The following FGGY variants were observed in gnomAD, a reference collection of about 807,000 sequenced individuals.
The protein encoded by FGGY is FGGY carbohydrate kinase domain containing.
Under a neutral mutation model 71.3 loss-of-function variants are expected in FGGY, and 72 were observed. That is an observed-to-expected ratio of 1.01 (90% CI 0.84 to 1.23). The LOEUF (loss-of-function observed/expected upper bound fraction) is 1.23. Ranked by LOEUF, FGGY falls within the 50% of genes most tolerant of loss-of-function variation. The pLI is 0.00. For synonymous variants in FGGY, 251 were observed against 250.3 expected, an observed-to-expected ratio of 1.00 and a Z score of -0.02; for missense variants, 668 against 682.3, an observed-to-expected ratio of 0.98 and a Z score of 0.23.
chr1:59,435,987 C>G (rs538321996), intron 5 of FGGY, among the ~76,000 whole-genome samples: 1 of 152,248 alleles, frequency 6.6e-6, no homozygotes, highest in East Asian at 1.9e-4. Flanking sequence ...TGTGGCTGGC[C>G]TGGTGTCACA....
At chr1:59,515,737 T>C (rs1023110478) in intron 7 of FGGY, among the ~76,000 whole-genome samples, 1 of 152,172 alleles carries the variant, frequency 6.6e-6, no homozygotes, top group Non-Finnish European at 1.5e-5. Context: ...GCTGCCACCA[T>C]GTAAGAAGTG....
intron 10 of FGGY, among the ~76,000 whole-genome samples, chr1:59,627,489 T>TATATATATATATATACAC (rs1469493501): frequency 2.9e-4 from 27 of 92,758 alleles, no homozygotes; most frequent in East Asian, 5.9e-4. Context: ...TATATATATA[T>TATATATATATATATACAC]ACACACACAC....
intron 6 of FGGY, among the ~76,000 whole-genome samples, chr1:59,503,005 C>T (rs960745729): frequency 1.3e-5 from 2 of 152,188 alleles, no homozygotes; most frequent in Non-Finnish European, 2.9e-5. Flanking sequence ...CTACTCATCA[C>T]ATTCTATGCC....
chr1:59,532,664 G>A (rs186569418), intron 7 of FGGY, among the ~76,000 whole-genome samples: 2 of 152,118 alleles, frequency 1.3e-5, no homozygotes, highest in African/African-American at 4.8e-5. Context: ...AACTTATTTT[G>A]ATTAAGGATA....
chr1:59,547,212 A>G (rs867035358), intron 7 of FGGY, among the ~76,000 whole-genome samples: 2 of 151,870 alleles, frequency 1.3e-5, no homozygotes, highest in Non-Finnish European at 2.9e-5. Context: ...CGGCCTCCCA[A>G]AGTGCTGAGA....
intron 5 of FGGY, among the ~76,000 whole-genome samples, chr1:59,421,714 G>C (rs2065466707): frequency 6.6e-6 from 1 of 152,122 alleles, no homozygotes; most frequent in Non-Finnish European, 1.5e-5. Flanking sequence ...CAATACAAAG[G>C]CCTGACACTT....
chr1:59,342,491 T>G (rs2050912713), intron 3 of FGGY, among the ~76,000 whole-genome samples: 1 of 152,172 alleles, frequency 6.6e-6, no homozygotes, highest in South Asian at 2.1e-4. Flanking sequence ...TGAAATAACT[T>G]TATTCCACCT....
At chr1:59,479,091 AT>A (rs2093376249) in intron 6 of FGGY, among the ~76,000 whole-genome samples, 1 of 152,174 alleles carries the variant, frequency 6.6e-6, no homozygotes. Context: ...ACAACATGAG[AT>A]GTGTAGTCAT....
chr1:59,746,195 G>T (rs2098195738), intron 14 of FGGY, among the ~76,000 whole-genome samples: 1 of 152,180 alleles, frequency 6.6e-6, no homozygotes, highest in Non-Finnish European at 1.5e-5. Context: ...AGATGCAGGG[G>T]AGACATGTGT....
chr1:59,698,018 T>A (rs1224991048), intron 14 of FGGY, among the ~76,000 whole-genome samples: 1 of 152,172 alleles, frequency 6.6e-6, no homozygotes, highest in African/African-American at 2.4e-5. Flanking sequence ...AAGCATGTCT[T>A]TTTTTTCCTT....
chr1:59,702,895 C>T (rs978806636), intron 14 of FGGY, among the ~76,000 whole-genome samples: 2 of 152,104 alleles, frequency 1.3e-5, no homozygotes, highest in East Asian at 3.8e-4. Context: ...CTCCAGAGTA[C>T]CTTAAGAAGC....
chr1:59,697,993 A>G (rs891392586), intron 14 of FGGY, among the ~76,000 whole-genome samples: 1 of 152,184 alleles, frequency 6.6e-6, no homozygotes, highest in Non-Finnish European at 1.5e-5. Context: ...AGAGATAATA[A>G]TACTTTTATC....
intron 14 of FGGY, among the ~76,000 whole-genome samples, chr1:59,730,117 C>A (rs557769799): frequency 1.3e-5 from 2 of 152,202 alleles, no homozygotes; most frequent in African/African-American, 4.8e-5. Context: ...CCACACTCAG[C>A]CCCCAACACT....
intron 10 of FGGY, among the ~76,000 whole-genome samples, chr1:59,631,152 C>T (rs1321482470): frequency 6.6e-6 from 1 of 152,130 alleles, no homozygotes; most frequent in African/African-American, 2.4e-5. Context: ...TCTGGAATGT[C>T]ACCCTGTCTG....
At chr1:59,619,849 G>A (rs1225061358) in intron 9 of FGGY, among the ~76,000 whole-genome samples, 1 of 152,060 alleles carries the variant, frequency 6.6e-6, no homozygotes, top group Non-Finnish European at 1.5e-5. Context: ...AAGCACAGAA[G>A]TCAGAAAGAG....
At chr1:59,498,646 C>G (rs1278752251) in intron 6 of FGGY, among the ~76,000 whole-genome samples, 2 of 152,170 alleles carry the variant, frequency 1.3e-5, no homozygotes, top group East Asian at 3.9e-4. Flanking sequence ...ACACTTCTAA[C>G]AAGTTCCCAA....
chr1:59,309,690 C>T (rs1459374073), intron 1 of FGGY, among the ~76,000 whole-genome samples: 1 of 152,076 alleles, frequency 6.6e-6, no homozygotes, highest in African/African-American at 2.4e-5. Context: ...AGCTACCAGA[C>T]CAGGGCCAAG....
At chr1:59,433,770 C>G (rs2067864161) in intron 5 of FGGY, among the ~76,000 whole-genome samples, 2 of 152,168 alleles carry the variant, frequency 1.3e-5, no homozygotes, top group South Asian at 4.1e-4. Flanking sequence ...TCATGATTTT[C>G]CCACCGTCTA....
intron 10 of FGGY, among the ~76,000 whole-genome samples, chr1:59,631,473 T>G (rs2096908024): frequency 6.6e-6 from 1 of 152,242 alleles, no homozygotes; most frequent in Non-Finnish European, 1.5e-5. Context: ...GAGTACAATA[T>G]TCTAAAACTA....
Sources: gnomAD v4.1 joint callset for allele counts (sites outside exome capture counted in the v4.1 genomes callset) on GRCh38, gnomAD v4.1.1 for gene constraint, MANE v1.5 for transcripts, NCBI Gene and HGNC (gene_info 2026-07-23, HGNC 2026-07-21) for gene names.